The following DMXL1 variants were observed in gnomAD, a reference collection of about 807,000 sequenced individuals.
The protein encoded by DMXL1 is dmX-like protein 1.
DMXL1 carries 99 observed loss-of-function variants against 319.2 expected under a neutral mutation model. The observed-to-expected ratio is 0.31, with a 90% CI of 0.26 to 0.37. The LOEUF is 0.37. Among genes scored for constraint, DMXL1 ranks in the 10% least tolerant of loss-of-function variants. DMXL1 has a pLI of 1.00. For missense variants in DMXL1, 3,745 were observed against 3,595.6 expected (o/e 1.04, Z -1.06); for synonymous variants, 1,385 against 1,235.2 (o/e 1.12, Z -2.54).
chr5:119,101,319 C>G (rs757720846), intron 2 of DMXL1, among the ~76,000 whole-genome samples: 2 of 151,572 alleles, frequency 1.3e-5, no homozygotes, highest in Non-Finnish European at 2.9e-5. Context: ...TTTTTTCTAT[C>G]CCTGATTCAT....
intron 10 of DMXL1, among the ~76,000 whole-genome samples, chr5:119,131,088 T>G (rs1340008993): frequency 6.6e-6 from 1 of 151,868 alleles, no homozygotes; most frequent in African/African-American, 2.4e-5. Context: ...AAGCAGAATA[T>G]CTTTTATTAT....
chr5:119,235,642 A>C (rs1235362194), intron 39 of DMXL1, among the ~76,000 whole-genome samples: 3 of 152,176 alleles, frequency 2.0e-5, no homozygotes, highest in African/African-American at 7.2e-5. Context: ...GTACCTGCAC[A>C]CATCCTGTTT....
At chr5:119,126,409 G>A (rs751953279) in intron 9 of DMXL1, among the ~76,000 whole-genome samples, 1 of 152,154 alleles carries the variant, frequency 6.6e-6, no homozygotes, top group East Asian at 1.9e-4. Context: ...AAACCTTGCA[G>A]CATCCTTTTA....
At chr5:119,138,448 G>A (rs1163381467) in intron 13 of DMXL1, among the ~76,000 whole-genome samples, 1 of 152,224 alleles carries the variant, frequency 6.6e-6, no homozygotes, top group Non-Finnish European at 1.5e-5. Context: ...GGAGTTCAGA[G>A]AGAGGTCTGG....
At chr5:119,082,029 A>ACG in intron 1 of DMXL1, among the ~76,000 whole-genome samples, 1 of 104,572 alleles carries the variant, frequency 9.6e-6, no homozygotes, top group Admixed American at 9.8e-5. Context: ...ATACACACAC[A>ACG]CACACACACA....
At chr5:119,147,923 A>G (rs976696938) in intron 17 of DMXL1, among the ~76,000 whole-genome samples, 3 of 152,044 alleles carry the variant, frequency 2.0e-5, no homozygotes, top group Non-Finnish European at 4.4e-5. Context: ...GAAATTGGCC[A>G]CTCCATTTCT....
At chr5:119,074,707 C>T (rs1750419167) in intron 1 of DMXL1, among the ~76,000 whole-genome samples, 1 of 152,224 alleles carries the variant, frequency 6.6e-6, no homozygotes, top group Non-Finnish European at 1.5e-5. Context: ...GACCATCTCT[C>T]CTGTGCTTTC....
intron 38 of DMXL1, among the ~76,000 whole-genome samples, chr5:119,231,659 A>T (rs937318092): frequency 3.9e-5 from 6 of 152,232 alleles, no homozygotes; most frequent in Non-Finnish European, 2.9e-5. Context: ...GCTCAAATTC[A>T]TGAACTGGGC....
Position 119,166,912 on chromosome 5 carries a change from T to G in DMXL1, c.5136+131T>G. Reference sequence around the variant, plus strand: ...AAGGCCAAATATCTGAAATAACTGTTAATATTTAATAAAGACATTTAAAAT... The same window carrying G: ...AAGGCCAAATATCTGAAATAACTGTGAATATTTAATAAAGACATTTAAAAT... On this transcript the variant is annotated intron_variant, in intron 22 of 43. Transcript: ENST00000539542. 4.5e-6 allele frequency: 3 copies of G among 663,816 alleles called. 1 individual carries two copies. The highest frequency in any genetic ancestry group is 7.2e-6 in the Non-Finnish European group (3 of 418,822). 41.1% of individuals were successfully genotyped at this position (663,816 alleles called of 1,614,324 possible). A position where few individuals can be genotyped will look rare whatever the true frequency, so the allele number is the denominator to read the frequency against.
rs531146088 is a variant in DMXL1, at chr5:119,180,168, G to A, written c.7135+1924G>A. On this transcript the variant is annotated intron_variant, in intron 28 of 43. Transcript: ENST00000539542. ...TGCCTTCCCTGTTAAAGGAATTTCA[G>A]GTTTTAAGAACAACTGAAGTTAATA... is the stretch of plus-strand genomic sequence containing the variant. Among the ~76,000 whole-genome samples the A allele has an allele frequency of 2.6e-5, 4 of 152,264 alleles. 1 individual carries two copies. In the South Asian group the frequency reaches 6.2e-4, roughly 24 times the overall value.
chr5:119,186,509 C>G (rs145650652), intron 28 of DMXL1, among the ~76,000 whole-genome samples: 175 of 152,268 alleles, frequency 1.1e-3, no homozygotes, highest in African/African-American at 3.9e-3. Flanking sequence ...AAAGAAATGA[C>G]ATTTAAATCT....
intron 42 of DMXL1, among the ~76,000 whole-genome samples, chr5:119,242,839 A>G (rs1245596860): frequency 6.6e-6 from 1 of 152,246 alleles, no homozygotes; most frequent in African/African-American, 2.4e-5. Context: ...CACAGAGGCA[A>G]TTCAGTGGAG....
intron 19 of DMXL1, among the ~76,000 whole-genome samples, chr5:119,162,810 A>G (rs975894192): frequency 1.3e-5 from 2 of 152,336 alleles, no homozygotes; most frequent in African/African-American, 2.4e-5. Flanking sequence ...TTGATTTAGA[A>G]TAATAGTCCA....
At chr5:119,208,479 G>A (rs1782146015) in intron 34 of DMXL1, among the ~76,000 whole-genome samples, 1 of 152,102 alleles carries the variant, frequency 6.6e-6, no homozygotes, top group Admixed American at 6.5e-5. Context: ...CTCCCAAAGT[G>A]CTGGGATTAC....
At chr5:119,215,969 G>T (rs1335066978) in intron 34 of DMXL1, among the ~76,000 whole-genome samples, 1 of 151,700 alleles carries the variant, frequency 6.6e-6, no homozygotes, top group African/African-American at 2.4e-5. Flanking sequence ...GGTGGCAGGT[G>T]CCTGTAATCC....
chr5:119,220,650 C>G, intron 36 of DMXL1, 57 bp downstream of exon 36: 7 of 1,579,956 alleles, frequency 4.4e-6, no homozygotes. Context: ...ACTATATTTA[C>G]TGAACTAAAA....
rs751384512 is a variant in DMXL1, at chr5:119,249,004, G to A, written c.*1785G>A. The A allele has an allele frequency of 6.6e-6, 1 of 152,474 alleles. No individual in the cohort carries two copies. The highest frequency in any genetic ancestry group is 1.5e-5 in the Non-Finnish European group (1 of 67,930). 9.4% of individuals were successfully genotyped at this position (152,474 alleles called of 1,614,324 possible). ...ACTATTATGCTTATTAGAACAAAAG[G>A]TGTTTAAGGATGAACTAAATATTTT... On this transcript the variant is annotated 3_prime_UTR_variant, in exon 44 of 44. Coordinates refer to ENST00000539542, the MANE Select transcript of DMXL1 (RefSeq NM_001290321.3).
chr5:119,156,610 C>T (rs1484162171), intron 19 of DMXL1, among the ~76,000 whole-genome samples: 4 of 151,970 alleles, frequency 2.6e-5, no homozygotes, highest in African/African-American at 9.7e-5. Context: ...ACTATATACA[C>T]ATAAGTGGGA....
chr5:119,211,873 C>T (rs932417093), intron 34 of DMXL1, among the ~76,000 whole-genome samples: 1 of 152,180 alleles, frequency 6.6e-6, no homozygotes, highest in Non-Finnish European at 1.5e-5. Flanking sequence ...GCCTCATTTA[C>T]TGACATGTAA....
Sources: allele counts gnomAD v4.1 joint callset (sites outside exome capture counted in the v4.1 genomes callset), GRCh38; gene constraint gnomAD v4.1.1; transcripts MANE v1.5; gene names NCBI Gene and HGNC (gene_info 2026-07-23, HGNC 2026-07-21).